SRGAP3: variants seen among roughly 807,000 people sequenced by gnomAD.
The protein encoded by SRGAP3 is SLIT-ROBO Rho GTPase activating protein 3.
Under a neutral mutation model 121.1 loss-of-function variants are expected in SRGAP3, and 39 were observed. That is an observed-to-expected ratio of 0.32 (90% CI 0.25 to 0.42). The LOEUF (loss-of-function observed/expected upper bound fraction) is 0.42. Among genes scored for constraint, SRGAP3 ranks in the 10% least tolerant of loss-of-function variants. SRGAP3 has a pLI of 1.00. For synonymous variants in SRGAP3, 601 were observed against 570.0 expected (o/e 1.05, Z -0.77); for missense variants, 1,213 against 1,470.6 (o/e 0.82, Z 2.86).
At chr3:9,077,650 C>T (rs1376741604) in intron 4 of SRGAP3, among the ~76,000 whole-genome samples, 1 of 152,224 alleles carries the variant, frequency 6.6e-6, no homozygotes, top group Non-Finnish European at 1.5e-5. Flanking sequence ...CCTGCCTGGC[C>T]TGTGTCTCCA....
chr3:9,122,968 A>C (rs1232675509), intron 2 of SRGAP3, among the ~76,000 whole-genome samples: 1 of 152,174 alleles, frequency 6.6e-6, no homozygotes, highest in Non-Finnish European at 1.5e-5. Flanking sequence ...AAACAAACAA[A>C]ATGTGGTCTA....
chr3:9,161,419 A>C (rs770883044), intron 1 of SRGAP3, among the ~76,000 whole-genome samples: 12 of 152,250 alleles, frequency 7.9e-5, no homozygotes, highest in Admixed American at 6.5e-5. Context: ...ACTGCACCAA[A>C]AAGCACAAGA....
At chr3:9,110,962 G>A (rs368852018) in intron 2 of SRGAP3, among the ~76,000 whole-genome samples, 2 of 152,242 alleles carry the variant, frequency 1.3e-5, no homozygotes, top group African/African-American at 2.4e-5. Context: ...TGTGGACTCC[G>A]GGCAGGCCAC....
chr3:9,156,597 C>G (rs1164703012), intron 1 of SRGAP3, among the ~76,000 whole-genome samples: 1 of 152,204 alleles, frequency 6.6e-6, no homozygotes, highest in Non-Finnish European at 1.5e-5. Context: ...AAGTCTCACC[C>G]CAAATTTCAA....
chr3:9,167,809 A>G (rs1411795935), intron 1 of SRGAP3, among the ~76,000 whole-genome samples: 1 of 152,150 alleles, frequency 6.6e-6, no homozygotes, highest in African/African-American at 2.4e-5. Flanking sequence ...CCCAGCCTAG[A>G]TATCTTTCAG....
At chr3:9,231,254 T>C (rs555232277) in intron 1 of SRGAP3, among the ~76,000 whole-genome samples, 1 of 152,338 alleles carries the variant, frequency 6.6e-6, no homozygotes, top group South Asian at 2.1e-4. Flanking sequence ...TGGGGGGGCA[T>C]TCCCGTTTCT....
chr3:9,345,204 A>G (rs1955861335), intron 1 of SRGAP3, among the ~76,000 whole-genome samples: 1 of 152,174 alleles, frequency 6.6e-6, no homozygotes, highest in Admixed American at 6.5e-5. Flanking sequence ...AAGAACAGAA[A>G]AGCAGGCCAG....
intron 1 of SRGAP3, among the ~76,000 whole-genome samples, chr3:9,163,968 C>T (rs1007901549): frequency 7.3e-5 from 11 of 149,704 alleles, no homozygotes; most frequent in Non-Finnish European, 1.6e-4. Context: ...TCCTTTAATG[C>T]TCCCAGCAAC....
At chr3:9,181,667 C>A (rs1304652895) in intron 1 of SRGAP3, among the ~76,000 whole-genome samples, 1 of 152,200 alleles carries the variant, frequency 6.6e-6, no homozygotes, top group Admixed American at 6.5e-5. Flanking sequence ...CGCATCATAA[C>A]CTTCTGATTT....
Position 9,053,085 on chromosome 3 carries a change from T to G in SRGAP3, c.1265A>C (p.Lys422Thr). The G allele has an allele frequency of 6.2e-7, 1 of 1,614,212 alleles. No homozygotes were observed. Among genetic ancestry groups the G allele is most frequent in the Non-Finnish European group, 8.5e-7 (1 of 1,180,046 alleles). The change falls in exon 9 of 22, where the codon AAG becomes ACG. Residue 422 changes from lysine (K) to threonine (T), a missense_variant. Around this residue, in one of 2 missense-constraint regions of SRGAP3, gnomAD observed 793 missense variants for 1,032.9 expected, o/e 0.77. Transcript: ENST00000383836. Reference sequence around the variant, plus strand: ...GGCTCTCCTCTTGGCAATGTTGATCTTGCTCATGTAGGTCTCAGAGGCAGC... The same window carrying G: ...GGCTCTCCTCTTGGCAATGTTGATCGTGCTCATGTAGGTCTCAGAGGCAGC... The part of the protein sequence containing the change: ...KSAASETYMS[K>T]INIAKRRANQ...
At chr3:9,216,635 C>T (rs746019125) in intron 1 of SRGAP3, 2 of 152,606 alleles carry the variant, frequency 1.3e-5, no homozygotes, top group East Asian at 1.9e-4. Flanking sequence ...TTCAGTCCCA[C>T]GTAGAGGACA....
At chr3:9,250,269 C>T (rs1223504222), upstream of SRGAP3, among the ~76,000 whole-genome samples, 1 of 152,150 alleles carries the variant, frequency 6.6e-6, no homozygotes, top group Non-Finnish European at 1.5e-5. Context: ...AGGTCTAGCA[C>T]CGTTCTGGGT....
intron 3 of SRGAP3, among the ~76,000 whole-genome samples, chr3:9,301,532 A>G (rs73124622): frequency 0.037 from 5,621 of 152,326 alleles, 280 homozygotes; most frequent in African/African-American, 0.11. Context: ...AAGAGCAGAA[A>G]GAAATCTCAC....
At chr3:9,250,739 C>A (rs1294701169), upstream of SRGAP3, among the ~76,000 whole-genome samples, 1 of 152,178 alleles carries the variant, frequency 6.6e-6, no homozygotes, top group Admixed American at 6.5e-5. Flanking sequence ...GACAAAGGAG[C>A]AGAGGCTCAG....
At chr3:9,197,590 T>C (rs1951952713) in intron 1 of SRGAP3, among the ~76,000 whole-genome samples, 1 of 152,196 alleles carries the variant, frequency 6.6e-6, no homozygotes, top group Non-Finnish European at 1.5e-5. Flanking sequence ...ATATGGGTAT[T>C]ATTATTTAAC....
chr3:9,032,693 T>C lies in SRGAP3; in HGVS notation c.1496A>G (p.Tyr499Cys), dbSNP rs1309303173. The C allele has an allele frequency of 3.1e-6, 5 of 1,612,220 alleles. No individual in the cohort carries two copies. The highest frequency in any genetic ancestry group is 2.2e-5 in the South Asian group (2 of 90,984). Reference protein sequence around the residue: ...KMRRPRPLSVYSHKLFNGSME... With the variant: ...KMRRPRPLSVCSHKLFNGSME... ...ACTGCCGTTAAAGAGTTTATGGCTA[T>C]ACACTGAGAGAGGCCTAGGTCTCCT... is the stretch of plus-strand genomic sequence containing the variant. Residue 499 changes from tyrosine (Y) to cysteine (C), a missense_variant, in exon 12 of 22, where the codon TAT becomes TGT. By Grantham distance (194) the Tyr-to-Cys change is radical. Transcript: ENST00000383836.
chr3:9,060,403 G>A (rs1305907191), intron 5 of SRGAP3, 44 bp from the exon 6 acceptor site: 1 of 1,609,132 alleles, frequency 6.2e-7, no homozygotes, highest in Non-Finnish European at 8.5e-7. Context: ...CCATTTAAGA[G>A]GACGGGGTTT....
At position 9,060,313 on chromosome 3, in the gene SRGAP3, C is replaced by T; in HGVS notation, c.719G>A (p.Arg240Gln). ...SENKLKCTKA[R>Q]NDYLLNLAAT... ...TGCCAGATTGAGCAAGTAGTCATTCCGGGCCTTTGTGCATTTCAGCTTGTT... is the reference window on the plus strand; with the variant it reads ...TGCCAGATTGAGCAAGTAGTCATTCTGGGCCTTTGTGCATTTCAGCTTGTT... The change falls in exon 6 of 22, where the codon CGG becomes CAG. Residue 240 changes from arginine to glutamine, a missense_variant. Physicochemically the swap from Arg to Gln is conservative, Grantham distance 43. Coordinates refer to ENST00000383836, the MANE Select transcript of SRGAP3 (RefSeq NM_014850.4). The T allele has an allele frequency of 1.9e-6, 3 of 1,614,114 alleles. No individual in the cohort carries two copies. Among genetic ancestry groups the T allele is most frequent in the Middle Eastern group, 1.6e-4 (1 of 6,062 alleles).
At chr3:9,258,880 G>T (rs1010194214) in intron 3 of SRGAP3, among the ~76,000 whole-genome samples, 6 of 152,110 alleles carry the variant, frequency 3.9e-5, no homozygotes, top group Admixed American at 2.6e-4. Context: ...GATCAACCCT[G>T]GAACCCGAGT....
Sources: allele counts gnomAD v4.1 joint callset (sites outside exome capture counted in the v4.1 genomes callset), GRCh38; gene constraint gnomAD v4.1.1; regional missense constraint gnomAD v4.1.1; transcripts MANE v1.5; gene names NCBI Gene and HGNC (gene_info 2026-07-23, HGNC 2026-07-21).